The following SLC25A21 variants were observed in gnomAD, a reference collection of about 807,000 sequenced individuals.
SLC25A21 encodes mitochondrial 2-oxodicarboxylate carrier.
A neutral mutation model predicts 43.8 loss-of-function variants in SLC25A21; 47 were observed. The observed-to-expected ratio is 1.07, with a 90% CI of 0.85 to 1.37. The LOEUF is 1.37. Ranked by LOEUF, SLC25A21 falls within the 40% of genes most tolerant of loss-of-function variation. The probability of loss-of-function intolerance (pLI) is 0.00; values close to 1 mark genes in which losing one functional copy is unlikely to be tolerated. For synonymous variants in SLC25A21, 131 were observed against 121.3 expected (o/e 1.08, Z -0.52); for missense variants, 352 against 350.2 (o/e 1.00, Z -0.04).
chr14:37,154,332 CCCTA>C (rs1467896212), intron 1 of SLC25A21, among the ~76,000 whole-genome samples: 1 of 152,122 alleles, frequency 6.6e-6, no homozygotes, highest in Non-Finnish European at 1.5e-5. Flanking sequence ...AGCCAAAGTG[CCCTA>C]CCTAACAAAC....
rs535655711 is a variant in SLC25A21, at chr14:37,131,708, T to G, written c.70+40573A>C. ...TTTTTATCTTGAGACAGGGTCTCTC[T>G]CTGTTGCCCAGGCTGGAATGCAGTG... On this transcript the variant is annotated intron_variant, in intron 1 of 9. Coordinates refer to ENST00000331299, the MANE Select transcript of SLC25A21 (RefSeq NM_030631.4). Among the ~76,000 whole-genome samples the G allele has an allele frequency of 5.3e-5, 8 of 152,350 alleles. No homozygotes were observed. The South Asian group carries it at 1.4e-3, about 28-fold the overall frequency.
At chr14:36,745,802 T>A (rs749682542) in intron 3 of SLC25A21, among the ~76,000 whole-genome samples, 1 of 152,030 alleles carries the variant, frequency 6.6e-6, no homozygotes, top group Non-Finnish European at 1.5e-5. Context: ...GTTGCACGAA[T>A]AGGCATTTTT....
intron 1 of SLC25A21, among the ~76,000 whole-genome samples, chr14:37,065,663 G>A (rs898846367): frequency 6.6e-6 from 1 of 152,200 alleles, no homozygotes; most frequent in Non-Finnish European, 1.5e-5. Context: ...TCCCTGAGAA[G>A]TTGTAACTAA....
chr14:37,132,329 A>G (rs1343872195), intron 1 of SLC25A21, among the ~76,000 whole-genome samples: 1 of 152,150 alleles, frequency 6.6e-6, no homozygotes. Context: ...TCACAAGCAG[A>G]GGAGCTGGAA....
intron 1 of SLC25A21, among the ~76,000 whole-genome samples, chr14:37,079,202 G>A (rs940063692): frequency 1.3e-5 from 2 of 152,008 alleles, no homozygotes; most frequent in African/African-American, 4.8e-5. Context: ...TCACATTTTT[G>A]TCGTCAGCCC....
chr14:36,762,911 A>G (rs1176072401), intron 3 of SLC25A21, among the ~76,000 whole-genome samples: 1 of 152,194 alleles, frequency 6.6e-6, no homozygotes, highest in African/African-American at 2.4e-5. Flanking sequence ...TTAATCCAAC[A>G]TACTTATTCA....
intron 3 of SLC25A21, among the ~76,000 whole-genome samples, chr14:36,807,520 C>A (rs927937352): frequency 1.2e-4 from 18 of 152,148 alleles, no homozygotes; most frequent in African/African-American, 3.9e-4. Context: ...AATATCCCCC[C>A]ACCCACACTT....
intron 1 of SLC25A21, among the ~76,000 whole-genome samples, chr14:37,044,256 T>C (rs1431134408): frequency 6.6e-6 from 1 of 152,196 alleles, no homozygotes; most frequent in Non-Finnish European, 1.5e-5. Flanking sequence ...TAATATTTTT[T>C]AATGCTCAAT....
chr14:36,760,374 A>AGGAAGGAC (rs1477322175), intron 3 of SLC25A21, among the ~76,000 whole-genome samples: 1 of 151,810 alleles, frequency 6.6e-6, no homozygotes, highest in Non-Finnish European at 1.5e-5. Flanking sequence ...GAAGGAAGGA[A>AGGAAGGAC]GGAAGGAAGG....
At chr14:36,772,940 T>C (rs1490804183) in intron 3 of SLC25A21, among the ~76,000 whole-genome samples, 1 of 152,198 alleles carries the variant, frequency 6.6e-6, no homozygotes, top group Non-Finnish European at 1.5e-5. Flanking sequence ...CGATTGCCTA[T>C]ACAAATTGCC....
intron 3 of SLC25A21, among the ~76,000 whole-genome samples, chr14:36,806,652 A>G (rs1275335569): frequency 6.6e-6 from 1 of 152,202 alleles, no homozygotes; most frequent in Non-Finnish European, 1.5e-5. Context: ...TTTCCAAATC[A>G]GGAGAAGACT....
intron 1 of SLC25A21, among the ~76,000 whole-genome samples, chr14:37,126,097 C>G (rs1481170031): frequency 6.6e-6 from 1 of 152,166 alleles, no homozygotes; most frequent in East Asian, 1.9e-4. Context: ...GATCATAACT[C>G]AGGACACCGC....
chr14:36,689,467 C>A (rs1361690037), intron 7 of SLC25A21, among the ~76,000 whole-genome samples: 1 of 152,092 alleles, frequency 6.6e-6, no homozygotes, highest in Non-Finnish European at 1.5e-5. Context: ...AACAATTTCA[C>A]GAGACGATTT....
chr14:36,953,161 T>C (rs1420578420), intron 1 of SLC25A21, among the ~76,000 whole-genome samples: 1 of 152,250 alleles, frequency 6.6e-6, no homozygotes, highest in Non-Finnish European at 1.5e-5. Flanking sequence ...CTATAAGCTA[T>C]TACTAATCAG....
intron 1 of SLC25A21, among the ~76,000 whole-genome samples, chr14:36,896,163 G>T (rs1229111427): frequency 6.6e-6 from 1 of 152,150 alleles, no homozygotes; most frequent in African/African-American, 2.4e-5. Context: ...CATTATTATT[G>T]TGTAGGAGTC....
At chr14:36,883,348 A>C (rs1890805370) in intron 1 of SLC25A21, among the ~76,000 whole-genome samples, 1 of 151,996 alleles carries the variant, frequency 6.6e-6, no homozygotes, top group Non-Finnish European at 1.5e-5. Context: ...CTTCCCCCAC[A>C]TTCCACTTGG....
At chr14:36,835,991 T>C (rs143991799) in intron 2 of SLC25A21, among the ~76,000 whole-genome samples, 135 of 152,342 alleles carry the variant, frequency 8.9e-4, no homozygotes, top group Non-Finnish European at 1.6e-3. Flanking sequence ...CAAATATCTT[T>C]CGCTGAGTGA....
intron 1 of SLC25A21, among the ~76,000 whole-genome samples, chr14:36,938,622 G>T (rs1442532870): frequency 1.3e-5 from 2 of 151,914 alleles, no homozygotes; most frequent in African/African-American, 2.4e-5. Context: ...CAATCAGCTG[G>T]ATCATTGCAC....
rs1882101054 is a variant in SLC25A21, at chr14:36,679,566, C to CATG, written c.*1089_*1091dup. 1.0e-6 allele frequency: 1 copy of CATG among 985,172 alleles called. No individual in the cohort carries two copies. Among genetic ancestry groups the CATG allele is most frequent in the South Asian group, 4.7e-5 (1 of 21,292 alleles). 61.0% of individuals were successfully genotyped at this position (985,172 alleles called of 1,614,324 possible). On this transcript the variant is annotated 3_prime_UTR_variant, in exon 10 of 10. Coordinates refer to ENST00000331299, the MANE Select transcript of SLC25A21 (RefSeq NM_030631.4). ...GACCAAGGAGATATTTTTGTTGATACATGTTAGTATAGTAATCCTTAGAAA... is the reference window on the plus strand; with the variant it reads ...GACCAAGGAGATATTTTTGTTGATACATGATGTTAGTATAGTAATCCTTAGAAA...
Sources: gnomAD v4.1 joint callset for allele counts (sites outside exome capture counted in the v4.1 genomes callset) on GRCh38, gnomAD v4.1.1 for gene constraint, MANE v1.5 for transcripts, NCBI Gene and HGNC (gene_info 2026-07-23, HGNC 2026-07-21) for gene names.